NAPA: variants seen among roughly 807,000 people sequenced by gnomAD.
NAPA encodes the protein NSF attachment protein alpha, also known as alpha-soluble NSF attachment protein.
In NAPA, 18 loss-of-function variants were observed where a neutral mutation model predicts 48.0. That is an observed-to-expected ratio of 0.38 (90% CI 0.26 to 0.56). NAPA has a LOEUF of 0.56. Among genes scored for constraint, NAPA ranks in the 20% least tolerant of loss-of-function variants. The pLI is 0.77. For missense variants in NAPA, 315 were observed against 385.0 expected (o/e 0.82, Z 1.52); for synonymous variants, 152 against 149.9 (o/e 1.01, Z -0.10).
chr19:47,498,972 A>C (rs1968502338), intron 3 of NAPA, among the ~76,000 whole-genome samples: 1 of 152,128 alleles, frequency 6.6e-6, no homozygotes, highest in Non-Finnish European at 1.5e-5. Flanking sequence ...CCCATAGCCA[A>C]ATTCACGCCC....
chr19:47,500,761 G>C lies in NAPA; in HGVS notation c.179-12C>G. 1 of 1,593,504 alleles carries C rather than the reference G, an allele frequency of 6.3e-7. No homozygotes were observed. ...CGCGTTTCCAGCAGCTGGAACAGAAGAGAAGGGCAGTCCTGGCCTCAGTGG... is the reference window on the plus strand; with the variant it reads ...CGCGTTTCCAGCAGCTGGAACAGAACAGAAGGGCAGTCCTGGCCTCAGTGG... On this transcript the variant is annotated splice_polypyrimidine_tract_variant and intron_variant, in intron 2 of 10. Coordinates refer to ENST00000263354, the MANE Select transcript of NAPA (RefSeq NM_003827.4).
chr19:47,486,427 C>T (rs962032414), downstream of NAPA, among the ~76,000 whole-genome samples: 3 of 152,074 alleles, frequency 2.0e-5, no homozygotes, highest in Admixed American at 2.0e-4. Flanking sequence ...CAGAGTGCGG[C>T]CCCAGTCTGG....
At position 47,514,854 on chromosome 19, in the gene NAPA, A is replaced by G; in HGVS notation, c.87T>C (p.Ser29=). The change falls in exon 1 of 11, where the codon TCT becomes TCC. Residue 29 remains serine, a synonymous_variant. Coordinates refer to ENST00000263354, the MANE Select transcript of NAPA (RefSeq NM_003827.4). ...RKVKNSQSFF[S]GLFGGSSKIE... ...AGCCCGGTTCTCACCCAAAGAGGCC[A>G]GAGAAGAAGGACTGCGAGTTCTTCA... is the stretch of plus-strand genomic sequence containing the variant. 6.2e-7 allele frequency: 1 copy of G among 1,613,992 alleles called. No individual in the cohort carries two copies. Among genetic ancestry groups the G allele is most frequent in the African/African-American group, 1.3e-5 (1 of 75,070 alleles).
chr19:47,490,030 G>A (rs903814759), intron 9 of NAPA, among the ~76,000 whole-genome samples: 4 of 151,708 alleles, frequency 2.6e-5, no homozygotes, highest in African/African-American at 7.3e-5. Flanking sequence ...GGTATGGGGG[G>A]TGTGTGTGTT....
intron 3 of NAPA, chr19:47,497,047 G>A (rs746794753): frequency 6.0e-5 from 18 of 299,530 alleles, no homozygotes; most frequent in Non-Finnish European, 1.0e-4. Flanking sequence ...AAATCCGGCA[G>A]TTTGAAGACA....
intron 1 of NAPA, among the ~76,000 whole-genome samples, chr19:47,510,287 G>A (rs1345027950): frequency 1.3e-5 from 2 of 152,204 alleles, no homozygotes; most frequent in Non-Finnish European, 2.9e-5. Flanking sequence ...CCAGGGTCCC[G>A]CCGTTATTGC....
chr19:47,492,169 G>C, intron 7 of NAPA, 50 bp from the exon 8 acceptor site: 1 of 1,534,980 alleles, frequency 6.5e-7, no homozygotes, highest in Non-Finnish European at 9.0e-7. Context: ...AGCAGCCAGA[G>C]GGCCAGAGCC....
At chr19:47,507,730 G>A (rs1226809719) in intron 1 of NAPA, among the ~76,000 whole-genome samples, 1 of 152,172 alleles carries the variant, frequency 6.6e-6, no homozygotes. Context: ...CACGGCTGGC[G>A]CATGGCGTTC....
intron 2 of NAPA, chr19:47,501,364 C>T (rs1968572703): frequency 6.6e-6 from 1 of 152,262 alleles, no homozygotes; most frequent in Admixed American, 6.5e-5. Context: ...CTCCCCTTTC[C>T]AAGTCCTGTT....
rs1968321882 is a variant in NAPA at position 47,493,069 on chromosome 19, G to T, written c.477-24C>A. The T allele has an allele frequency of 1.9e-6, 3 of 1,614,106 alleles. No individual in the cohort carries two copies. In the African/African-American group the frequency reaches 4.0e-5, roughly 22 times the overall value. On this transcript the variant is annotated intron_variant, in intron 6 of 10. Transcript: ENST00000263354. This position sits in a 1 kb window ranked among gnomAD's most constrained non-coding sequence, Gnocchi z 6.4. ...AGCTGTGTGGGGAGGAGTAGTGAGG[G>T]GAAGTGGTGGCGGTCCCTGCGGGGC...
At chr19:47,504,034 C>G (rs1409681655) in intron 1 of NAPA, among the ~76,000 whole-genome samples, 1 of 151,982 alleles carries the variant, frequency 6.6e-6, no homozygotes, top group African/African-American at 2.4e-5. Flanking sequence ...CACAGCCATA[C>G]AAAGAAATGG....
chr19:47,496,686 C>G (rs1453561678), intron 3 of NAPA: 7 of 289,784 alleles, frequency 2.4e-5, no homozygotes, highest in Admixed American at 1.7e-4. Context: ...CCAAGAAGCG[C>G]CGGGGCTGGG....
At position 47,493,611 on chromosome 19, in the gene NAPA, A is replaced by C. The variant is rs1968340409; in HGVS notation, c.343-118T>G. ...CCACGCCTGTGAGGAGGTATGAAGA[A>C]GACCTGAGGTGTGAAGAAGATCGAG... On this transcript the variant is annotated intron_variant, in intron 4 of 10. Transcript: ENST00000263354. This position sits in a 1 kb window ranked among gnomAD's most constrained non-coding sequence, Gnocchi z 6.4. 1.2e-6 allele frequency: 1 copy of C among 835,286 alleles called. No individual in the cohort carries two copies. The highest frequency in any genetic ancestry group is 2.0e-6 in the Non-Finnish European group (1 of 493,138). 51.7% of individuals were successfully genotyped at this position (835,286 alleles called of 1,614,324 possible).
intron 2 of NAPA, among the ~76,000 whole-genome samples, chr19:47,501,936 G>A (rs978384384): frequency 2.0e-5 from 3 of 152,064 alleles, no homozygotes; most frequent in African/African-American, 4.8e-5. Context: ...ATTTTCAAGA[G>A]TTCCAAATTT....
In NAPA at chr19:47,514,854, AGAG is replaced by A; in HGVS notation, c.84_86del (p.Ser29del). The stretch of plus-strand genomic sequence containing the variant: ...AGCCCGGTTCTCACCCAAAGAGGCC[AGAG>A]AAGAAGGACTGCGAGTTCTTCACTT... On this transcript the variant is annotated inframe_deletion, in exon 1 of 11. Coordinates refer to ENST00000263354, the MANE Select transcript of NAPA (RefSeq NM_003827.4). 2 of 1,613,992 alleles carry A rather than the reference AGAG, an allele frequency of 1.2e-6. No homozygotes were observed. Among genetic ancestry groups the A allele is most frequent in the Non-Finnish European group, 1.7e-6 (2 of 1,179,966 alleles).
At chr19:47,495,723 C>A in intron 3 of NAPA, 127 bp from the exon 4 acceptor site, 1 of 815,844 alleles carries the variant, frequency 1.2e-6, no homozygotes, top group South Asian at 1.4e-5. Flanking sequence ...TCAGAGCTGC[C>A]AGCGCTGCCA....
chr19:47,495,516 C>T (rs761922413), intron 4 of NAPA, 34 bp downstream of exon 4: 2 of 1,611,034 alleles, frequency 1.2e-6, no homozygotes, highest in Non-Finnish European at 1.7e-6. Context: ...TGCAGTGGGA[C>T]CCGGGGGTGT....
At chr19:47,492,252 C>T in intron 7 of NAPA, 133 bp from the exon 8 acceptor site, 1 of 741,324 alleles carries the variant, frequency 1.3e-6, no homozygotes, top group Non-Finnish European at 2.2e-6. Flanking sequence ...CCCAGGACCC[C>T]AAGGGCAGGG....
chr19:47,498,979 G>A (rs1968502670), intron 3 of NAPA, among the ~76,000 whole-genome samples: 2 of 152,008 alleles, frequency 1.3e-5, no homozygotes, highest in South Asian at 2.1e-4. Context: ...CCAAATTCAC[G>A]CCCCCAGCCT....
Sources: allele counts gnomAD v4.1 joint callset (sites outside exome capture counted in the v4.1 genomes callset), GRCh38; gene constraint gnomAD v4.1.1; non-coding constraint Gnocchi (gnomAD v3.1); transcripts MANE v1.5; gene names NCBI Gene and HGNC (gene_info 2026-07-23, HGNC 2026-07-21).